Variants in CLSTN2 observed in about 807,000 individuals in gnomAD.
The protein encoded by CLSTN2 is calsyntenin-2.
In CLSTN2, 48 loss-of-function variants were observed where a neutral mutation model predicts 101.2. The ratio of observed to expected loss-of-function variants is 0.47; its 90% CI spans 0.38 to 0.60. The LOEUF is 0.60. Ranked by LOEUF, CLSTN2 falls within the 20% of genes least tolerant of loss-of-function variation. The pLI, the probability that CLSTN2 is intolerant of heterozygous loss-of-function variation, is 0.00. For synonymous variants in CLSTN2, 481 were observed against 463.6 expected (o/e 1.04, Z -0.48); for missense variants, 1,160 against 1,238.2 (o/e 0.94, Z 0.95).
intron 1 of CLSTN2, among the ~76,000 whole-genome samples, chr3:140,013,825 C>A (rs1371602061): frequency 6.6e-6 from 1 of 152,154 alleles, no homozygotes; most frequent in African/African-American, 2.4e-5. Flanking sequence ...GTGGGGGCAG[C>A]CTCCACCTCT....
At chr3:139,953,923 GTGTGTGTT>G (rs1232937313) in intron 1 of CLSTN2, among the ~76,000 whole-genome samples, 19 of 139,426 alleles carry the variant, frequency 1.4e-4, no homozygotes, top group African/African-American at 4.8e-4. Context: ...GGCTCTGTGT[GTGTGTGTT>G]TGTGTGTGTG....
intron 2 of CLSTN2, among the ~76,000 whole-genome samples, chr3:140,386,983 G>T (rs2088059845): frequency 6.6e-6 from 1 of 152,150 alleles, no homozygotes; most frequent in South Asian, 2.1e-4. Context: ...TTACAACAGT[G>T]CTTCTCCTAA....
intron 2 of CLSTN2, among the ~76,000 whole-genome samples, chr3:140,376,880 A>T (rs1049396283): frequency 6.6e-6 from 1 of 152,208 alleles, no homozygotes; most frequent in African/African-American, 2.4e-5. Flanking sequence ...AGCAAGAGCC[A>T]TGTCCCTGCC....
chr3:140,564,178 G>A, intron 16 of CLSTN2, 33 bp downstream of exon 16: 31 of 1,601,718 alleles, frequency 1.9e-5, no homozygotes, highest in Non-Finnish European at 2.6e-5. Context: ...AGTTCTGGGT[G>A]GGGTGCTTCT....
rs1340889882 is a variant in CLSTN2 at position 139,971,671 on chromosome 3, A to G, written c.109+36188A>G. On this transcript the variant is annotated intron_variant, in intron 1 of 16. Coordinates refer to ENST00000458420, the MANE Select transcript of CLSTN2 (RefSeq NM_022131.3). ...TTTAGCATTTCATTCATGAGCAGGA[A>G]GGTACCTTGAATTCTGAACCCACAC... is the stretch of plus-strand genomic sequence containing the variant. Among the ~76,000 whole-genome samples the G allele has an allele frequency of 2.6e-5, 4 of 152,256 alleles. No homozygotes were observed. The East Asian group carries it at 7.7e-4, about 29-fold the overall frequency.
At chr3:140,229,489 C>T (rs1188951145) in intron 2 of CLSTN2, among the ~76,000 whole-genome samples, 2 of 151,956 alleles carry the variant, frequency 1.3e-5, no homozygotes, top group Admixed American at 6.6e-5. Flanking sequence ...CTGCTTCCCA[C>T]CCTCCTTTTC....
intron 1 of CLSTN2, among the ~76,000 whole-genome samples, chr3:140,043,845 T>C (rs1340471246): frequency 6.6e-6 from 1 of 152,134 alleles, no homozygotes; most frequent in Non-Finnish European, 1.5e-5. Context: ...AGATGTGTGG[T>C]ATTATTTCTG....
chr3:140,346,739 T>C (rs576032650), intron 2 of CLSTN2, among the ~76,000 whole-genome samples: 50 of 152,204 alleles, frequency 3.3e-4, no homozygotes, highest in African/African-American at 1.2e-3. Flanking sequence ...ATGCATCTCA[T>C]GGTGCGCCCC....
chr3:140,240,148 CTCTG>C (rs369998983), intron 2 of CLSTN2, among the ~76,000 whole-genome samples: 498 of 18,406 alleles, frequency 0.027, 30 homozygotes, highest in African/African-American at 0.035. Flanking sequence ...CTCTCTCTCT[CTCTG>C]TCTCTCTCTC....
chr3:140,077,776 T>C (rs2008516994), intron 1 of CLSTN2, among the ~76,000 whole-genome samples: 1 of 152,198 alleles, frequency 6.6e-6, no homozygotes, highest in South Asian at 2.1e-4. Flanking sequence ...CTCTTTCCTC[T>C]GTTGTCCTTT....
rs139909387 is a variant in CLSTN2, at chr3:140,380,352, G to A, written c.233-23277G>A. ...CCTGAGCAAAACAAATGGTGCCCTCGTGTGTGATCTAAGACTGTCCAGCCA... is the reference window on the plus strand; with the variant it reads ...CCTGAGCAAAACAAATGGTGCCCTCATGTGTGATCTAAGACTGTCCAGCCA... On this transcript the variant is annotated intron_variant, in intron 2 of 16. Coordinates refer to ENST00000458420, the MANE Select transcript of CLSTN2 (RefSeq NM_022131.3). 2.3e-3 allele frequency among the ~76,000 whole-genome samples: 356 copies of A among 152,288 alleles called. 1 individual carries two copies. Among genetic ancestry groups the A allele is most frequent in the African/African-American group, 6.9e-3 (287 of 41,556 alleles).
At chr3:140,188,702 TA>T (rs1326957394) in intron 2 of CLSTN2, among the ~76,000 whole-genome samples, 1 of 152,230 alleles carries the variant, frequency 6.6e-6, no homozygotes. Flanking sequence ...AGTTGTTTTT[TA>T]AAAAATTAAA....
At chr3:140,396,431 T>C (rs1315641683) in intron 2 of CLSTN2, among the ~76,000 whole-genome samples, 3 of 152,130 alleles carry the variant, frequency 2.0e-5, no homozygotes, top group African/African-American at 7.2e-5. Context: ...AACAGGGAGT[T>C]TGCCTGAGGT....
chr3:140,502,272 A>G (rs1355162726), intron 8 of CLSTN2, among the ~76,000 whole-genome samples: 3 of 152,202 alleles, frequency 2.0e-5, no homozygotes, highest in Non-Finnish European at 2.9e-5. Context: ...ACACCTCTAA[A>G]TGGAGCAAAT....
intron 1 of CLSTN2, among the ~76,000 whole-genome samples, chr3:139,992,568 G>A (rs1936133073): frequency 6.6e-6 from 1 of 152,166 alleles, no homozygotes. Context: ...CAACAAGTAT[G>A]TATTGAGCAC....
chr3:140,206,035 G>A (rs918990302), intron 2 of CLSTN2, among the ~76,000 whole-genome samples: 1 of 152,112 alleles, frequency 6.6e-6, no homozygotes, highest in Non-Finnish European at 1.5e-5. Flanking sequence ...ATATAAACTT[G>A]AATCCACTCA....
intron 2 of CLSTN2, among the ~76,000 whole-genome samples, chr3:140,301,319 A>G (rs1438041658): frequency 6.6e-6 from 1 of 152,238 alleles, no homozygotes; most frequent in Non-Finnish European, 1.5e-5. Flanking sequence ...TTTAATAATT[A>G]ATAACAAATC....
chr3:139,999,978 A>G (rs1471112468), intron 1 of CLSTN2, among the ~76,000 whole-genome samples: 1 of 151,370 alleles, frequency 6.6e-6, no homozygotes, highest in African/African-American at 2.4e-5. Flanking sequence ...AATTACATGT[A>G]TAGAACAGTT....
At chr3:140,489,169 G>A (rs1934293562) in intron 8 of CLSTN2, among the ~76,000 whole-genome samples, 1 of 152,130 alleles carries the variant, frequency 6.6e-6, no homozygotes, top group African/African-American at 2.4e-5. Flanking sequence ...GTAGTTGAGA[G>A]GAGAGTGGTG....
Sources: allele counts gnomAD v4.1 joint callset (sites outside exome capture counted in the v4.1 genomes callset), GRCh38; gene constraint gnomAD v4.1.1; transcripts MANE v1.5; gene names NCBI Gene and HGNC (gene_info 2026-07-23, HGNC 2026-07-21).